The following GRID2 variants were observed in gnomAD, a reference collection of about 807,000 sequenced individuals.
GRID2 encodes glutamate ionotropic receptor delta type subunit 2, also known as glutamate receptor ionotropic, delta-2.
Under a neutral mutation model 114.8 loss-of-function variants are expected in GRID2, and 33 were observed. The ratio of observed to expected loss-of-function variants is 0.29; its 90% CI spans 0.22 to 0.38. The LOEUF (loss-of-function observed/expected upper bound fraction) is 0.38, where lower values mean the gene tolerates loss of function less well. Ranked by LOEUF, GRID2 falls within the 10% of genes least tolerant of loss-of-function variation. The pLI, the probability that GRID2 is intolerant of heterozygous loss-of-function variation, is 1.00. For synonymous variants in GRID2, 505 were observed against 449.9 expected (o/e 1.12, Z -1.55); for missense variants, 1,184 against 1,257.7 (o/e 0.94, Z 0.89).
At chr4:92,693,671 A>G (rs918768107) in intron 2 of GRID2, among the ~76,000 whole-genome samples, 2 of 152,192 alleles carry the variant, frequency 1.3e-5, no homozygotes, top group Non-Finnish European at 2.9e-5. Context: ...AATTACATCT[A>G]AAACTCAGGA....
intron 2 of GRID2, among the ~76,000 whole-genome samples, chr4:93,039,738 C>T (rs997865774): frequency 6.6e-6 from 1 of 152,132 alleles, no homozygotes; most frequent in South Asian, 2.1e-4. Context: ...AAACTCAAAT[C>T]CCGGCTCATA....
At chr4:93,465,747 A>G (rs1287123558) in intron 11 of GRID2, among the ~76,000 whole-genome samples, 2 of 152,256 alleles carry the variant, frequency 1.3e-5, no homozygotes, top group East Asian at 3.8e-4. Flanking sequence ...TTAAAAAAGC[A>G]TAGTGTAATC....
At chr4:92,624,518 G>A (rs1560496023) in intron 2 of GRID2, among the ~76,000 whole-genome samples, 1 of 151,780 alleles carries the variant, frequency 6.6e-6, no homozygotes, top group East Asian at 1.9e-4. Flanking sequence ...TTGATGGAAT[G>A]CTCGTATTGA....
At chr4:92,792,463 A>G (rs973316885) in intron 2 of GRID2, among the ~76,000 whole-genome samples, 41 of 90,776 alleles carry the variant, frequency 4.5e-4, no homozygotes, top group African/African-American at 1.6e-3. Context: ...GAGAACACAC[A>G]CACACACACA....
At chr4:92,442,199 G>T (rs913660327) in intron 1 of GRID2, among the ~76,000 whole-genome samples, 13 of 148,562 alleles carry the variant, frequency 8.8e-5, no homozygotes, top group Non-Finnish European at 3.0e-5. Flanking sequence ...GGTCTAGGGG[G>T]CTTCCGAGGC....
intron 2 of GRID2, among the ~76,000 whole-genome samples, chr4:92,890,590 A>AC (rs1746703924): frequency 6.6e-6 from 1 of 152,198 alleles, no homozygotes; most frequent in Non-Finnish European, 1.5e-5. Flanking sequence ...TTAGAATGGC[A>AC]ATCATTCAAA....
At chr4:93,419,315 A>G (rs1343446474) in intron 9 of GRID2, among the ~76,000 whole-genome samples, 1 of 151,990 alleles carries the variant, frequency 6.6e-6, no homozygotes, top group East Asian at 1.9e-4. Context: ...TGAATGTTAA[A>G]TGGATAAATC....
intron 2 of GRID2, among the ~76,000 whole-genome samples, chr4:92,592,795 G>C (rs1403785177): frequency 6.6e-6 from 1 of 151,082 alleles, no homozygotes; most frequent in African/African-American, 2.4e-5. Context: ...TTCAGTTAAT[G>C]TTAGAAGTAA....
chr4:93,390,966 A>T (rs1191576487), intron 8 of GRID2, among the ~76,000 whole-genome samples: 1 of 152,100 alleles, frequency 6.6e-6, no homozygotes, highest in Non-Finnish European at 1.5e-5. Context: ...AAACAGGGAG[A>T]TAAAAGTGGT....
chr4:93,537,338 G>C (rs1015315953), intron 13 of GRID2, among the ~76,000 whole-genome samples: 2 of 151,526 alleles, frequency 1.3e-5, no homozygotes, highest in African/African-American at 4.8e-5. Context: ...GTTTTTGAGA[G>C]ATATATTAAG....
rs1014340185 is a variant in GRID2 at position 93,511,877 on chromosome 4, C to T, written c.1998-3339C>T. Among the ~76,000 whole-genome samples the T allele has an allele frequency of 8.6e-5, 13 of 151,390 alleles. No homozygotes were observed. In the East Asian group the frequency reaches 1.2e-3, roughly 14 times the overall value. On this transcript the variant is annotated intron_variant, in intron 12 of 15. Transcript: ENST00000282020. ...TCAGCTCACTGCAACCTCCATCTCT[C>T]GGGTTCAAGCAATTCTACCTCAGCC...
intron 1 of GRID2, among the ~76,000 whole-genome samples, chr4:92,540,458 C>A (rs573149991): frequency 2.4e-4 from 36 of 152,166 alleles, no homozygotes; most frequent in African/African-American, 7.9e-4. Flanking sequence ...AAGAAAAAAA[C>A]AACCCCATCA....
At chr4:93,015,165 GGT>G (rs1722555928) in intron 2 of GRID2, among the ~76,000 whole-genome samples, 1 of 152,098 alleles carries the variant, frequency 6.6e-6, no homozygotes, top group Non-Finnish European at 1.5e-5. Flanking sequence ...CTGAAAAAAA[GGT>G]ATTTTAACTT....
Position 92,994,660 on chromosome 4 carries a change from G to A in GRID2, c.245-90335G>A, listed in dbSNP as rs17020057. 2.3e-3 allele frequency among the ~76,000 whole-genome samples: 346 copies of A among 152,080 alleles called. 1 individual carries two copies. Among genetic ancestry groups the A allele is most frequent in the African/African-American group, 7.8e-3 (325 of 41,522 alleles). Reference sequence around the variant, plus strand: ...TTAATTCTTATATTTTACAAGAAAAGCTGGCTCTCAATTGATGTTCAACAC... The same window carrying A: ...TTAATTCTTATATTTTACAAGAAAAACTGGCTCTCAATTGATGTTCAACAC... On this transcript the variant is annotated intron_variant, in intron 2 of 15. Coordinates refer to ENST00000282020, the MANE Select transcript of GRID2 (RefSeq NM_001510.4).
chr4:92,438,131 A>G (rs987962323), intron 1 of GRID2, among the ~76,000 whole-genome samples: 1 of 152,202 alleles, frequency 6.6e-6, no homozygotes, highest in African/African-American at 2.4e-5. Context: ...TTTTATACGT[A>G]CATATGCCAG....
chr4:93,226,090 T>C (rs1207208977), intron 7 of GRID2, among the ~76,000 whole-genome samples: 2 of 152,208 alleles, frequency 1.3e-5, no homozygotes. Flanking sequence ...AGTTTCAATG[T>C]GAGTTTAGGA....
intron 8 of GRID2, among the ~76,000 whole-genome samples, chr4:93,344,705 G>A (rs1006996299): frequency 3.3e-5 from 5 of 150,054 alleles, no homozygotes; most frequent in African/African-American, 1.2e-4. Flanking sequence ...ATATTATACA[G>A]TAGATCTCTT....
chr4:93,452,388 A>G (rs2149406791), intron 10 of GRID2, among the ~76,000 whole-genome samples: 1 of 152,264 alleles, frequency 6.6e-6, no homozygotes, highest in East Asian at 1.9e-4. Flanking sequence ...GATATATAAA[A>G]ATGGAGAGAA....
chr4:93,402,448 A>G (rs1765986853), intron 9 of GRID2, among the ~76,000 whole-genome samples: 1 of 152,170 alleles, frequency 6.6e-6, no homozygotes, highest in African/African-American at 2.4e-5. Flanking sequence ...CTGCAGTAAA[A>G]CTATGATGTG....
Sources: allele counts gnomAD v4.1 joint callset (sites outside exome capture counted in the v4.1 genomes callset), GRCh38; gene constraint gnomAD v4.1.1; transcripts MANE v1.5; gene names NCBI Gene and HGNC (gene_info 2026-07-23, HGNC 2026-07-21).